The following ARHGEF10L variants were observed in gnomAD, a reference collection of about 807,000 sequenced individuals.
ARHGEF10L encodes rho guanine nucleotide exchange factor 10-like protein.
Under a neutral mutation model 141.2 loss-of-function variants are expected in ARHGEF10L, and 69 were observed. The ratio of observed to expected loss-of-function variants is 0.49; its 90% CI spans 0.40 to 0.60. The LOEUF is 0.60. Among genes scored for constraint, ARHGEF10L ranks in the 20% least tolerant of loss-of-function variants. The probability of loss-of-function intolerance (pLI) is 0.00; values close to 1 mark genes in which losing one functional copy is unlikely to be tolerated. For missense variants in ARHGEF10L, 1,482 were observed against 1,734.3 expected, an observed-to-expected ratio of 0.85 and a Z score of 2.58; for synonymous variants, 711 against 718.5, an observed-to-expected ratio of 0.99 and a Z score of 0.17.
intron 1 of ARHGEF10L, among the ~76,000 whole-genome samples, chr1:17,549,237 G>A (rs2077025646): frequency 6.6e-6 from 1 of 151,702 alleles, no homozygotes; most frequent in Non-Finnish European, 1.5e-5. Context: ...TGGCCAGGCT[G>A]GTCTCGAACT....
chr1:17,645,167 G>A (rs773758923), intron 21 of ARHGEF10L, among the ~76,000 whole-genome samples: 6 of 152,136 alleles, frequency 3.9e-5, no homozygotes, highest in Non-Finnish European at 8.8e-5. Flanking sequence ...TGGAAATTGC[G>A]GTTCTGCAGT....
intron 2 of ARHGEF10L, among the ~76,000 whole-genome samples, chr1:17,585,386 CAGGAAG>C (rs2078939752): frequency 6.6e-6 from 1 of 152,170 alleles, no homozygotes; most frequent in South Asian, 2.1e-4. Flanking sequence ...GAGGCTGGAT[CAGGAAG>C]CTGCCTGGGG....
chr1:17,676,066 AGGTGTAGGTGCAGGCATGGGTGCG>A (rs2063680385), intron 26 of ARHGEF10L, among the ~76,000 whole-genome samples: 12 of 143,350 alleles, frequency 8.4e-5, no homozygotes, highest in Admixed American at 6.3e-4. Context: ...GCATGGGTGC[AGGTGTAGGTGCAGGCATGGGTGCG>A]GGTGTAGGTG....
In ARHGEF10L at chr1:17,695,183, C is replaced by T; in HGVS notation, c.3210C>T (p.Ser1070=). 1.2e-6 allele frequency: 2 copies of T among 1,613,050 alleles called. No homozygotes were observed. The highest frequency in any genetic ancestry group is 1.7e-6 in the Non-Finnish European group (2 of 1,179,988). The stretch of plus-strand genomic sequence containing the variant: ...GCCAGAAGCACTTGTGTGTCACCAG[C>T]CTCCTGATCTGCCAGGGTCTGCTCT... ...LPGQKHLCVT[S]LLICQGLLWV... Residue 1070 remains serine, a synonymous_variant, in exon 28 of 29, where the codon AGC becomes AGT. Coordinates refer to ENST00000361221, the MANE Select transcript of ARHGEF10L (RefSeq NM_018125.4).
intron 1 of ARHGEF10L, among the ~76,000 whole-genome samples, chr1:17,570,352 C>T (rs559896394): frequency 9.8e-5 from 15 of 152,302 alleles, no homozygotes; most frequent in South Asian, 2.1e-4. Flanking sequence ...TCTGATACAG[C>T]GACCTTGGAG....
the ARHGEF10L span, among the ~76,000 whole-genome samples, chr1:17,532,181 G>A: frequency 3.3e-5 from 5 of 152,112 alleles, no homozygotes; most frequent in South Asian, 2.1e-4. Context: ...AGCAGCCACC[G>A]ACACATCCCC....
At position 17,673,063 on chromosome 1, in the gene ARHGEF10L, T is replaced by A. The variant is rs542703133; in HGVS notation, c.3009+8468T>A. Among the ~76,000 whole-genome samples, 2 of 152,056 alleles carry A rather than the reference T, an allele frequency of 1.3e-5. No individual in the cohort carries two copies. The highest frequency in any genetic ancestry group is 4.8e-5 in the African/African-American group (2 of 41,380). On this transcript the variant is annotated intron_variant, in intron 26 of 28. Coordinates refer to ENST00000361221, the MANE Select transcript of ARHGEF10L (RefSeq NM_018125.4). The surrounding 1 kb of genome is among the most constrained non-coding windows in gnomAD (Gnocchi z 4.1). ...TTTCATGATTTTAAAAAGAAGTTGG[T>A]CGCTGATGGCTCAGGGAACAGGCTT...
At chr1:17,647,217 G>A (rs931795444) in intron 21 of ARHGEF10L, among the ~76,000 whole-genome samples, 6 of 152,160 alleles carry the variant, frequency 3.9e-5, no homozygotes, top group African/African-American at 1.4e-4. Context: ...TCAGATCTAG[G>A]CCTGAATCTG....
chr1:17,591,704 GC>G (rs2079561582), intron 4 of ARHGEF10L, among the ~76,000 whole-genome samples: 1 of 151,856 alleles, frequency 6.6e-6, no homozygotes, highest in Non-Finnish European at 1.5e-5. Flanking sequence ...GAGCCACCGC[GC>G]CTGGCCTAAC....
intron 1 of ARHGEF10L, among the ~76,000 whole-genome samples, chr1:17,556,874 A>G (rs575117862): frequency 1.3e-5 from 2 of 152,274 alleles, no homozygotes; most frequent in South Asian, 4.1e-4. Flanking sequence ...GCCTTAGGAA[A>G]GGCTGGGCAC....
In ARHGEF10L at chr1:17,580,577, CTGAG is replaced by C; in HGVS notation, c.-18_-15del. 6.2e-7 allele frequency: 1 copy of C among 1,614,184 alleles called. No homozygotes were observed. Among genetic ancestry groups the C allele is most frequent in the Middle Eastern group, 1.6e-4 (1 of 6,062 alleles). ...GGTGTGTAGCTGGGACGGTGCTGGT[CTGAG>C]CTGGACCTTGTCTGATGGCTTCCTC... On this transcript the variant is annotated 5_prime_UTR_variant, in exon 2 of 29. Transcript: ENST00000361221.
Position 17,607,683 on chromosome 1 carries a change from C to A in ARHGEF10L, c.434-119C>A. The A allele has an allele frequency of 2.0e-6, 2 of 1,003,498 alleles. No homozygotes were observed. 62.2% of individuals were successfully genotyped at this position (1,003,498 alleles called of 1,614,324 possible). On this transcript the variant is annotated intron_variant, in intron 6 of 28. Coordinates refer to ENST00000361221, the MANE Select transcript of ARHGEF10L (RefSeq NM_018125.4). This position sits in a 1 kb window ranked among gnomAD's most constrained non-coding sequence, Gnocchi z 4.5. ...GGAGGTAGAGCTGGAGCCCCAGGGC[C>A]CCCATGTTCTCCCTGACCCCCCCTC... is the stretch of plus-strand genomic sequence containing the variant.
At chr1:17,589,397 C>T (rs953184996) in intron 4 of ARHGEF10L, among the ~76,000 whole-genome samples, 1 of 152,202 alleles carries the variant, frequency 6.6e-6, no homozygotes, top group Admixed American at 6.5e-5. Flanking sequence ...GCCCAAGCAT[C>T]TGGAACCCTG....
chr1:17,526,998 C>T, the ARHGEF10L span, among the ~76,000 whole-genome samples: 8 of 151,950 alleles, frequency 5.3e-5, no homozygotes, highest in East Asian at 3.9e-4. Flanking sequence ...TTCAGGCGGG[C>T]GGATGTCTCT....
intron 26 of ARHGEF10L, among the ~76,000 whole-genome samples, chr1:17,679,460 TG>T (rs2063942220): frequency 6.6e-6 from 1 of 152,150 alleles, no homozygotes; most frequent in Non-Finnish European, 1.5e-5. Flanking sequence ...AGGAATTTCC[TG>T]GGTTTGGGGC....
At chr1:17,520,420 C>T in the ARHGEF10L span, among the ~76,000 whole-genome samples, 1 of 152,252 alleles carries the variant, frequency 6.6e-6, no homozygotes, top group South Asian at 2.1e-4. Flanking sequence ...ACTTGTGCTC[C>T]CTTCCCGGAG....
Position 17,637,869 on chromosome 1 carries a change from TG to T in ARHGEF10L, c.1928-17del. 6.4e-7 allele frequency: 1 copy of T among 1,564,282 alleles called. No homozygotes were observed. Among genetic ancestry groups the T allele is most frequent in the Non-Finnish European group, 8.7e-7 (1 of 1,153,364 alleles). On this transcript the variant is annotated intron_variant, in intron 18 of 28. Transcript: ENST00000361221. ...TTAGCGCCTTCACCTGTGCCTGAGT[TG>T]GTCTCTTCTCTGCCCAGATAAGGTG...
At chr1:17,667,208 A>G (rs1359353291) in intron 26 of ARHGEF10L, among the ~76,000 whole-genome samples, 1 of 152,212 alleles carries the variant, frequency 6.6e-6, no homozygotes, top group Non-Finnish European at 1.5e-5. Context: ...GGAGGAAAGG[A>G]GGCCCAGCCT....
chr1:17,696,761 A>C, intron 28 of ARHGEF10L, 87 bp from the exon 29 acceptor site: 258 of 1,231,938 alleles, frequency 2.1e-4, no homozygotes, highest in Non-Finnish European at 2.4e-4. Context: ...ATACCCACCC[A>C]GAATGTTCTC....
Sources: gnomAD v4.1 joint callset for allele counts (sites outside exome capture counted in the v4.1 genomes callset) on GRCh38, gnomAD v4.1.1 for gene constraint, Gnocchi (gnomAD v3.1) non-coding constraint, MANE v1.5 for transcripts, NCBI Gene and HGNC (gene_info 2026-07-23, HGNC 2026-07-21) for gene names.